DPP6: variants seen among roughly 807,000 people sequenced by gnomAD.
The protein encoded by DPP6 is A-type potassium channel modulatory protein DPP6.
In DPP6, 69 loss-of-function variants were observed where a neutral mutation model predicts 122.6. The observed-to-expected ratio is 0.56, with a 90% CI of 0.46 to 0.69. The LOEUF is 0.69. Among genes scored for constraint, DPP6 ranks in the 30% least tolerant of loss-of-function variants. DPP6 has a pLI of 0.00. For missense variants in DPP6, 928 were observed against 1,116.9 expected (o/e 0.83, Z 2.41); for synonymous variants, 418 against 433.1 (o/e 0.97, Z 0.43).
At chr7:154,389,531 C>A (rs1814430755) in intron 1 of DPP6, among the ~76,000 whole-genome samples, 1 of 151,934 alleles carries the variant, frequency 6.6e-6, no homozygotes, top group African/African-American at 2.4e-5. Flanking sequence ...TATGGCTTTG[C>A]ATCTGAGAAC....
In DPP6 at chr7:154,327,046, T is replaced by G. The variant is rs547793239; in HGVS notation, c.244-119168T>G. Reference sequence around the variant, plus strand: ...TAGACAGATAAGAGAGACGCCTGTGTCTAGGTGTCTTTGGTTCAGTCCTAA... The same window carrying G: ...TAGACAGATAAGAGAGACGCCTGTGGCTAGGTGTCTTTGGTTCAGTCCTAA... On this transcript the variant is annotated intron_variant, in intron 1 of 25. Transcript: ENST00000377770. 1.8e-4 allele frequency among the ~76,000 whole-genome samples: 28 copies of G among 152,166 alleles called. No individual in the cohort carries two copies. In the South Asian group the frequency reaches 2.7e-3, roughly 15 times the overall value.
chr7:154,882,578 A>G (rs1372486786), intron 21 of DPP6, among the ~76,000 whole-genome samples: 2 of 152,152 alleles, frequency 1.3e-5, no homozygotes, highest in African/African-American at 4.8e-5. Flanking sequence ...CCTGGGACAC[A>G]GAGCCCAGGG....
intron 2 of DPP6, among the ~76,000 whole-genome samples, chr7:154,461,916 T>A (rs1452214374): frequency 6.6e-6 from 1 of 152,238 alleles, no homozygotes; most frequent in Non-Finnish European, 1.5e-5. Context: ...AAATAGGGTA[T>A]TACTCAAGAA....
the DPP6 span, among the ~76,000 whole-genome samples, chr7:153,840,132 A>G: frequency 1.3e-5 from 2 of 152,190 alleles, no homozygotes; most frequent in Admixed American, 6.5e-5. Flanking sequence ...ATTTTTATGA[A>G]GATCTCTTCT....
chr7:153,769,376 C>G, the DPP6 span, among the ~76,000 whole-genome samples: 1 of 152,184 alleles, frequency 6.6e-6, no homozygotes, highest in South Asian at 2.1e-4. Context: ...CAATCTTGGT[C>G]AGGACCTCCA....
chr7:154,476,908 A>G (rs1453339760), intron 3 of DPP6, among the ~76,000 whole-genome samples: 4 of 152,082 alleles, frequency 2.6e-5, no homozygotes, highest in Non-Finnish European at 4.4e-5. Context: ...CCTGGGAAAC[A>G]TGTTGAAACG....
At chr7:153,843,103 C>T in the DPP6 span, among the ~76,000 whole-genome samples, 68 of 151,814 alleles carry the variant, frequency 4.5e-4, no homozygotes. Context: ...TGCATACACA[C>T]ACGAGTGCAT....
intron 1 of DPP6, among the ~76,000 whole-genome samples, chr7:154,259,462 C>A (rs1802859122): frequency 6.6e-6 from 1 of 152,240 alleles, no homozygotes. Context: ...AAGTTTGTTG[C>A]AAGAGGCAAT....
intron 1 of DPP6, among the ~76,000 whole-genome samples, chr7:154,168,970 C>T (rs1236827273): frequency 6.6e-6 from 1 of 152,132 alleles, no homozygotes; most frequent in Non-Finnish European, 1.5e-5. Context: ...CTTGAACTAA[C>T]CTTAGACAAA....
chr7:153,896,390 A>C (rs1799416243), intron 1 of DPP6, among the ~76,000 whole-genome samples: 1 of 152,214 alleles, frequency 6.6e-6, no homozygotes, highest in South Asian at 2.1e-4. Context: ...ATTTTTGGGA[A>C]GTGAGAATTA....
At chr7:154,342,664 C>T (rs1482604213) in intron 1 of DPP6, among the ~76,000 whole-genome samples, 1 of 152,188 alleles carries the variant, frequency 6.6e-6, no homozygotes, top group African/African-American at 2.4e-5. Flanking sequence ...CTGATGTGAA[C>T]ATCTGACAGC....
At chr7:154,159,835 G>A (rs1300094677) in intron 1 of DPP6, among the ~76,000 whole-genome samples, 5 of 151,842 alleles carry the variant, frequency 3.3e-5, no homozygotes, top group Non-Finnish European at 5.9e-5. Flanking sequence ...ATGGCCAGTC[G>A]CAGTGTCTCA....
At chr7:153,994,258 G>C (rs193053477) in intron 1 of DPP6, among the ~76,000 whole-genome samples, 2 of 151,778 alleles carry the variant, frequency 1.3e-5, no homozygotes, top group East Asian at 1.9e-4. Context: ...TAAGAAGGCA[G>C]TTCTCTCAAA....
intron 1 of DPP6, among the ~76,000 whole-genome samples, chr7:154,088,796 T>C (rs2533650): frequency 2.6e-5 from 4 of 152,172 alleles, no homozygotes; most frequent in African/African-American, 9.7e-5. Context: ...TGAGGAGGTC[T>C]GGGTCTGTGC....
At chr7:154,203,521 C>A (rs1799278508) in intron 1 of DPP6, among the ~76,000 whole-genome samples, 1 of 152,128 alleles carries the variant, frequency 6.6e-6, no homozygotes. Context: ...CCTATCACTG[C>A]CCCTCCAGGT....
the DPP6 span, among the ~76,000 whole-genome samples, chr7:153,807,256 TAC>T: frequency 6.6e-6 from 1 of 151,424 alleles, no homozygotes; most frequent in Non-Finnish European, 1.5e-5. Flanking sequence ...CTACTAAAAA[TAC>T]AAAAATTAGC....
At chr7:154,217,432 A>C (rs1000466466) in intron 1 of DPP6, among the ~76,000 whole-genome samples, 1 of 152,206 alleles carries the variant, frequency 6.6e-6, no homozygotes, top group Non-Finnish European at 1.5e-5. Flanking sequence ...TGCTTTTGTC[A>C]ACTGCAAATA....
the DPP6 span, among the ~76,000 whole-genome samples, chr7:153,870,522 C>G: frequency 6.6e-6 from 1 of 152,328 alleles, no homozygotes; most frequent in East Asian, 1.9e-4. Context: ...AAGGACTTCT[C>G]TGCATTAGTT....
At chr7:153,862,102 G>A in the DPP6 span, among the ~76,000 whole-genome samples, 4 of 152,302 alleles carry the variant, frequency 2.6e-5, no homozygotes, top group East Asian at 7.7e-4. Context: ...GGCTCCCAGA[G>A]GCAACATGTG....
Sources: gnomAD v4.1 joint callset for allele counts (sites outside exome capture counted in the v4.1 genomes callset) on GRCh38, gnomAD v4.1.1 for gene constraint, MANE v1.5 for transcripts, NCBI Gene and HGNC (gene_info 2026-07-23, HGNC 2026-07-21) for gene names.